WDR7: variants seen among roughly 807,000 people sequenced by gnomAD.
WDR7 encodes the protein WD repeat-containing protein 7.
Under a neutral mutation model 169.4 loss-of-function variants are expected in WDR7, and 46 were observed. The ratio of observed to expected loss-of-function variants is 0.27; its 90% CI spans 0.21 to 0.35. WDR7 has a LOEUF of 0.35. Ranked by LOEUF, WDR7 falls within the 10% of genes least tolerant of loss-of-function variation. WDR7 has a pLI of 1.00. For missense variants in WDR7, 1,534 were observed against 1,859.3 expected (o/e 0.83, Z 3.22); for synonymous variants, 612 against 666.8 (o/e 0.92, Z 1.27).
At chr18:56,855,274 A>C (rs2045702041) in intron 20 of WDR7, among the ~76,000 whole-genome samples, 1 of 151,824 alleles carries the variant, frequency 6.6e-6, no homozygotes, top group South Asian at 2.1e-4. Context: ...CTAATTGTAG[A>C]AGTTCTTTAT....
chr18:56,924,593 A>T (rs1407364293), intron 22 of WDR7, among the ~76,000 whole-genome samples: 1 of 152,186 alleles, frequency 6.6e-6, no homozygotes, highest in Non-Finnish European at 1.5e-5. Flanking sequence ...AGCAATGATG[A>T]GAGAGTTCTA....
chr18:56,914,743 T>C (rs1436578885), intron 21 of WDR7, among the ~76,000 whole-genome samples: 1 of 152,226 alleles, frequency 6.6e-6, no homozygotes, highest in Non-Finnish European at 1.5e-5. Context: ...TCAGCACTTT[T>C]TACCTTCCCT....
In WDR7 at chr18:56,991,291, C is replaced by T. The variant is rs139568633; in HGVS notation, c.4164+28762C>T. Among the ~76,000 whole-genome samples the T allele has an allele frequency of 6.0e-3, 914 of 152,222 alleles. 7 individuals carry two copies. The highest frequency in any genetic ancestry group is 0.021 in the African/African-American group (871 of 41,516). On this transcript the variant is annotated intron_variant, in intron 26 of 27. Coordinates refer to ENST00000254442, the MANE Select transcript of WDR7 (RefSeq NM_015285.3). ...CCTCCCGAGTAGCTGGGACTACAGG[C>T]GTCCGTCACCACTCCCGGCTGATTT...
At chr18:56,882,158 T>G (rs2046118091) in intron 21 of WDR7, among the ~76,000 whole-genome samples, 1 of 152,228 alleles carries the variant, frequency 6.6e-6, no homozygotes, top group Non-Finnish European at 1.5e-5. Flanking sequence ...TGCTATCCAT[T>G]CCTAAAACCT....
At chr18:56,699,467 G>T (rs548929651) in intron 12 of WDR7, among the ~76,000 whole-genome samples, 130 of 152,288 alleles carry the variant, frequency 8.5e-4, no homozygotes, top group African/African-American at 3.0e-3. Context: ...GTAGTTGAAA[G>T]ATTATAAATA....
chr18:56,930,736 G>A (rs1439205379), intron 22 of WDR7, among the ~76,000 whole-genome samples: 1 of 152,198 alleles, frequency 6.6e-6, no homozygotes, highest in South Asian at 2.1e-4. Context: ...CATTTTAGAA[G>A]TCTTTGTTTT....
chr18:56,689,002 A>T (rs191298386), intron 7 of WDR7, among the ~76,000 whole-genome samples: 93 of 152,338 alleles, frequency 6.1e-4, no homozygotes, highest in African/African-American at 2.1e-3. Flanking sequence ...CCTGCAAATC[A>T]GGAAGAAAAC....
intron 1 of WDR7, among the ~76,000 whole-genome samples, chr18:56,654,351 C>T (rs1051032397): frequency 1.3e-5 from 2 of 152,120 alleles, no homozygotes; most frequent in African/African-American, 2.4e-5. Context: ...AGGATGGTCT[C>T]GATCTCTTGA....
rs531065944 is a variant in WDR7 at position 56,675,155 on chromosome 18, C to T, written c.159+2481C>T. 7.9e-5 allele frequency among the ~76,000 whole-genome samples: 12 copies of T among 152,234 alleles called. No individual in the cohort carries two copies. In the South Asian group the frequency reaches 1.9e-3, roughly 24 times the overall value. ...AGTTTTGAAATCCAGATATGTGAGT[C>T]CTCCAGTATTGCTCTTCTTTTTCAA... On this transcript the variant is annotated intron_variant, in intron 2 of 27. Coordinates refer to ENST00000254442, the MANE Select transcript of WDR7 (RefSeq NM_015285.3).
At chr18:56,669,179 A>T (rs1230916909) in intron 1 of WDR7, among the ~76,000 whole-genome samples, 1 of 152,140 alleles carries the variant, frequency 6.6e-6, no homozygotes, top group Non-Finnish European at 1.5e-5. Context: ...ATAGTATTTT[A>T]AATTATTTCT....
chr18:56,875,388 TC>T (rs557186224), intron 20 of WDR7, among the ~76,000 whole-genome samples: 102 of 152,280 alleles, frequency 6.7e-4, no homozygotes, highest in African/African-American at 2.4e-3. Context: ...TCACCCCACT[TC>T]TAATATTCTT....
intron 19 of WDR7, among the ~76,000 whole-genome samples, chr18:56,792,310 C>T (rs12956557): frequency 0.74 from 111,904 of 152,098 alleles, 43,124 homozygotes; most frequent in Non-Finnish European, 0.84. Context: ...AGCCACTGTA[C>T]CTGGCCAAGG....
intron 26 of WDR7, chr18:57,009,919 C>T (rs2048114810): frequency 1.0e-6 from 1 of 985,322 alleles, no homozygotes; most frequent in South Asian, 4.7e-5. Context: ...ACCAAACCAT[C>T]TTCCGTTAAC....
chr18:56,805,719 T>A (rs892024379), intron 19 of WDR7, among the ~76,000 whole-genome samples: 1 of 152,112 alleles, frequency 6.6e-6, no homozygotes, highest in African/African-American at 2.4e-5. Context: ...CATTGCATAG[T>A]CACTTGCCCT....
chr18:56,830,891 G>C (rs753771267), intron 20 of WDR7, among the ~76,000 whole-genome samples: 2 of 152,138 alleles, frequency 1.3e-5, no homozygotes, highest in African/African-American at 4.8e-5. Context: ...ATTTTTAGTA[G>C]AGACGGGGTT....
At chr18:56,768,914 A>G (rs1029258379) in intron 16 of WDR7, among the ~76,000 whole-genome samples, 1 of 152,204 alleles carries the variant, frequency 6.6e-6, no homozygotes, top group African/African-American at 2.4e-5. Flanking sequence ...GAGAATAAAG[A>G]TAGTTAAGAT....
At chr18:56,954,633 G>A (rs2047226908) in intron 25 of WDR7, among the ~76,000 whole-genome samples, 1 of 152,106 alleles carries the variant, frequency 6.6e-6, no homozygotes, top group Non-Finnish European at 1.5e-5. Flanking sequence ...TTGGTAAAGA[G>A]TTACGTTCAC....
At chr18:56,742,409 G>C (rs2083256040) in intron 14 of WDR7, among the ~76,000 whole-genome samples, 1 of 152,164 alleles carries the variant, frequency 6.6e-6, no homozygotes, top group Non-Finnish European at 1.5e-5. Flanking sequence ...TAATAATTTA[G>C]TATTTTGGGA....
chr18:56,754,129 C>T (rs1318051242), intron 14 of WDR7, among the ~76,000 whole-genome samples: 1 of 151,522 alleles, frequency 6.6e-6, no homozygotes, highest in Non-Finnish European at 1.5e-5. Context: ...TATATGTACA[C>T]ACACACTTTG....
Sources: gnomAD v4.1 joint callset for allele counts (sites outside exome capture counted in the v4.1 genomes callset) on GRCh38, gnomAD v4.1.1 for gene constraint, MANE v1.5 for transcripts, NCBI Gene and HGNC (gene_info 2026-07-23, HGNC 2026-07-21) for gene names.